The following CDH18 variants were observed in gnomAD, a reference collection of about 807,000 sequenced individuals.
CDH18 encodes cadherin-18.
Under a neutral mutation model 67.9 loss-of-function variants are expected in CDH18, and 31 were observed. The observed-to-expected ratio is 0.46, with a 90% CI of 0.34 to 0.62. CDH18 has a LOEUF of 0.62. CDH18 is among the 20% of genes least tolerant of loss of function. The pLI is 0.01. For missense variants in CDH18, 890 were observed against 975.5 expected (o/e 0.91, Z 1.17); for synonymous variants, 362 against 347.2 (o/e 1.04, Z -0.48).
chr5:19,542,834 A>G (rs554408110), intron 9 of CDH18, among the ~76,000 whole-genome samples: 3 of 151,994 alleles, frequency 2.0e-5, no homozygotes, highest in Non-Finnish European at 2.9e-5. Context: ...GAAATTGGTT[A>G]TGGTAATGGA....
At chr5:19,989,919 A>AT (rs1799885693), upstream of CDH18, among the ~76,000 whole-genome samples, 1 of 152,216 alleles carries the variant, frequency 6.6e-6, no homozygotes, top group East Asian at 1.9e-4. Context: ...GAATTTGGAA[A>AT]TTTCCAAAAT....
chr5:19,576,784 A>AC (rs750388001), intron 7 of CDH18, among the ~76,000 whole-genome samples: 10 of 152,160 alleles, frequency 6.6e-5, no homozygotes, highest in Non-Finnish European at 1.3e-4. Context: ...ACATGGCTGC[A>AC]CCCTTATATT....
At chr5:20,296,462 C>T (rs543215156) in intron 1 of CDH18, among the ~76,000 whole-genome samples, 10 of 151,846 alleles carry the variant, frequency 6.6e-5, no homozygotes, top group South Asian at 2.1e-4. Flanking sequence ...GGGGTTTCAC[C>T]GTGTTAGCCA....
intron 3 of CDH18, among the ~76,000 whole-genome samples, chr5:19,760,974 C>T (rs111955415): frequency 0.026 from 3,934 of 152,128 alleles, 101 homozygotes; most frequent in Middle Eastern, 0.054. Flanking sequence ...TCATTCTGGC[C>T]AAAAAATATT....
chr5:20,359,280 T>G (rs1741896682), intron 1 of CDH18, among the ~76,000 whole-genome samples: 1 of 152,150 alleles, frequency 6.6e-6, no homozygotes, highest in Admixed American at 6.6e-5. Context: ...ATCTCTACTA[T>G]TCACATGTTT....
At chr5:20,313,405 T>A (rs1455684737) in intron 1 of CDH18, among the ~76,000 whole-genome samples, 1 of 152,130 alleles carries the variant, frequency 6.6e-6, no homozygotes, top group Non-Finnish European at 1.5e-5. Flanking sequence ...AATTTGATCT[T>A]CATTTCTTTT....
At chr5:19,685,271 T>C (rs939690536) in intron 5 of CDH18, among the ~76,000 whole-genome samples, 1 of 152,200 alleles carries the variant, frequency 6.6e-6, no homozygotes, top group Admixed American at 6.5e-5. Flanking sequence ...AATATATTTG[T>C]AGCACAGTCC....
intron 2 of CDH18, among the ~76,000 whole-genome samples, chr5:20,185,384 G>T (rs1738014866): frequency 6.6e-6 from 1 of 151,810 alleles, no homozygotes; most frequent in South Asian, 2.1e-4. Flanking sequence ...AATTACTTTG[G>T]GACACAACTT....
chr5:20,453,190 G>A (rs927210734), intron 1 of CDH18, among the ~76,000 whole-genome samples: 3 of 152,064 alleles, frequency 2.0e-5, no homozygotes, highest in Non-Finnish European at 2.9e-5. Context: ...AGAGATAAAC[G>A]GTATGCATTA....
intron 2 of CDH18, among the ~76,000 whole-genome samples, chr5:20,106,645 G>A (rs1405537330): frequency 1.3e-5 from 2 of 152,162 alleles, no homozygotes; most frequent in Non-Finnish European, 2.9e-5. Context: ...TGTAATACCT[G>A]CTGGGATTGT....
At chr5:19,641,533 T>A (rs1312993768) in intron 5 of CDH18, among the ~76,000 whole-genome samples, 1 of 152,132 alleles carries the variant, frequency 6.6e-6, no homozygotes, top group African/African-American at 2.4e-5. Flanking sequence ...CAAGAATCGT[T>A]TAACATATGT....
intron 1 of CDH18, among the ~76,000 whole-genome samples, chr5:20,551,885 A>G (rs755777397): frequency 6.6e-6 from 1 of 152,138 alleles, no homozygotes; most frequent in Non-Finnish European, 1.5e-5. Flanking sequence ...CTTCTTAGTT[A>G]ATCTATATCT....
chr5:19,774,148 T>A (rs1377952512), intron 3 of CDH18, among the ~76,000 whole-genome samples: 1 of 152,066 alleles, frequency 6.6e-6, no homozygotes, highest in African/African-American at 2.4e-5. Context: ...ACACCTACAT[T>A]TTAGAGCTCA....
chr5:19,639,733 C>T (rs2150219542), intron 5 of CDH18, among the ~76,000 whole-genome samples: 1 of 152,354 alleles, frequency 6.6e-6, no homozygotes, highest in African/African-American at 2.4e-5. Context: ...ACACATGCCC[C>T]TTGCGTGCTA....
At position 20,248,972 on chromosome 5, in the gene CDH18, C is replaced by A. The variant is rs375785123; in HGVS notation, c.-518+6472G>T. 3.0e-4 allele frequency among the ~76,000 whole-genome samples: 45 copies of A among 152,144 alleles called. No homozygotes were observed. In the East Asian group the frequency reaches 4.1e-3, roughly 14 times the overall value. On this transcript the variant is annotated intron_variant, in intron 2 of 14. Coordinates refer to the CDH18 transcript ENST00000507958. ...TTACATATTGCAGTGTGAGGTTATA[C>A]AATAGGCTTAATTTTTTCATGTAGT...
intron 9 of CDH18, among the ~76,000 whole-genome samples, chr5:19,543,196 T>A (rs1750552802): frequency 6.6e-6 from 1 of 152,130 alleles, no homozygotes; most frequent in Admixed American, 6.6e-5. Flanking sequence ...TTTCTTAGAG[T>A]TATATTCTAA....
intron 5 of CDH18, among the ~76,000 whole-genome samples, chr5:19,687,345 C>T (rs1212060320): frequency 2.6e-5 from 4 of 152,200 alleles, no homozygotes; most frequent in African/African-American, 7.2e-5. Context: ...CAAATAGCCC[C>T]TGCATCTCAG....
At chr5:20,124,562 T>G (rs557754296) in intron 2 of CDH18, among the ~76,000 whole-genome samples, 1 of 152,306 alleles carries the variant, frequency 6.6e-6, no homozygotes, top group African/African-American at 2.4e-5. Flanking sequence ...CCCATACATT[T>G]TACTCTTTGT....
chr5:20,121,784 A>G (rs891682321), intron 2 of CDH18, among the ~76,000 whole-genome samples: 3 of 152,214 alleles, frequency 2.0e-5, no homozygotes, highest in African/African-American at 7.2e-5. Flanking sequence ...CATGCTGAAT[A>G]GGAAGGCTGA....
Sources: gnomAD v4.1 joint callset for allele counts (sites outside exome capture counted in the v4.1 genomes callset) on GRCh38, gnomAD v4.1.1 for gene constraint, MANE v1.5 for transcripts, NCBI Gene and HGNC (gene_info 2026-07-23, HGNC 2026-07-21) for gene names.